Variants in ZC3H12B observed in about 807,000 individuals in gnomAD.
ZC3H12B encodes probable ribonuclease ZC3H12B.
Under a neutral mutation model 43.9 loss-of-function variants are expected in ZC3H12B, and 7 were observed. The observed-to-expected ratio is 0.16, with a 90% CI of 0.09 to 0.30. ZC3H12B has a LOEUF of 0.30. ZC3H12B is among the 10% of genes least tolerant of loss of function. The probability of loss-of-function intolerance (pLI) is 1.00; values close to 1 mark genes in which losing one functional copy is unlikely to be tolerated. For synonymous variants in ZC3H12B, 222 were observed against 241.7 expected (o/e 0.92, Z 0.76); for missense variants, 475 against 670.2 (o/e 0.71, Z 3.22).
intron 3 of ZC3H12B, among the ~76,000 whole-genome samples, chrX:65,439,360 G>A (rs1256373129): frequency 1.8e-5 from 2 of 111,660 alleles, no homozygotes; most frequent in Admixed American, 9.5e-5. Flanking sequence ...CAGATCATCT[G>A]AACATAGTGT....
At chrX:65,132,702 G>A in the ZC3H12B span, among the ~76,000 whole-genome samples, 1 of 111,408 alleles carries the variant, frequency 9.0e-6, no homozygotes, top group South Asian at 3.8e-4. Context: ...TCAGAGTTGG[G>A]GAGGTTTAGA....
chrX:65,289,531 T>G, the ZC3H12B span, among the ~76,000 whole-genome samples: 6 of 109,325 alleles, frequency 5.5e-5, no homozygotes, highest in Non-Finnish European at 9.5e-5. Context: ...TATATTATTA[T>G]GTATATATTT....
the ZC3H12B span, among the ~76,000 whole-genome samples, chrX:65,167,143 C>G: frequency 1.5e-4 from 17 of 111,663 alleles, no homozygotes; most frequent in African/African-American, 4.2e-4. Flanking sequence ...ATGGTATTGC[C>G]TAGGTTTTCT....
At chrX:65,374,167 T>A (rs1425296168) in intron 2 of ZC3H12B, among the ~76,000 whole-genome samples, 1 of 80,747 alleles carries the variant, frequency 1.2e-5, no homozygotes, top group Non-Finnish European at 2.2e-5. Context: ...TATATATAGT[T>A]ATATATACAC....
At chrX:65,234,109 AC>A in the ZC3H12B span, among the ~76,000 whole-genome samples, 5 of 111,768 alleles carry the variant, frequency 4.5e-5, no homozygotes, top group African/African-American at 1.6e-4. Context: ...GAATATGCAT[AC>A]AAAAATACTA....
At chrX:65,215,894 T>C in the ZC3H12B span, among the ~76,000 whole-genome samples, 1 of 111,356 alleles carries the variant, frequency 9.0e-6, no homozygotes, top group African/African-American at 3.3e-5. Flanking sequence ...TTAATTACAA[T>C]ATATTTTTGT....
the ZC3H12B span, among the ~76,000 whole-genome samples, chrX:65,358,765 TTAAA>T: frequency 1.8e-5 from 2 of 111,117 alleles, no homozygotes; most frequent in African/African-American, 6.5e-5. Flanking sequence ...AACATCACAA[TTAAA>T]AGAACTAGAA....
intron 3 of ZC3H12B, among the ~76,000 whole-genome samples, chrX:65,449,197 A>T (rs1569412354): frequency 1.8e-5 from 2 of 110,987 alleles, no homozygotes; most frequent in Non-Finnish European, 3.8e-5. Context: ...AGAATAATGG[A>T]TGATAAGCTT....
chrX:65,189,456 C>G, the ZC3H12B span, among the ~76,000 whole-genome samples: 1 of 104,572 alleles, frequency 9.6e-6, no homozygotes, highest in African/African-American at 3.6e-5. Context: ...TCTCCAGCAC[C>G]TGTTGTTTCC....
the ZC3H12B span, among the ~76,000 whole-genome samples, chrX:65,283,338 C>A: frequency 9.0e-6 from 1 of 111,416 alleles, no homozygotes; most frequent in Non-Finnish European, 1.9e-5. Flanking sequence ...ATAATAAGAG[C>A]TATTTATGAC....
At chrX:65,084,417 TATA>T in the ZC3H12B span, among the ~76,000 whole-genome samples, 16 of 111,426 alleles carry the variant, frequency 1.4e-4, no homozygotes, top group South Asian at 3.4e-3. Flanking sequence ...CAGAAAAAAA[TATA>T]ATAATCTGAT....
At chrX:65,160,316 G>C in the ZC3H12B span, among the ~76,000 whole-genome samples, 2 of 111,749 alleles carry the variant, frequency 1.8e-5, no homozygotes, top group Non-Finnish European at 3.8e-5. Context: ...GTATTGATTG[G>C]AATAGTTTCA....
the ZC3H12B span, among the ~76,000 whole-genome samples, chrX:65,226,233 A>G: frequency 8.9e-6 from 1 of 111,840 alleles, no homozygotes; most frequent in East Asian, 2.8e-4. Context: ...ACATTCTTAA[A>G]AGAATTTTCA....
chrX:65,406,302 C>T (rs781337521), intron 3 of ZC3H12B, among the ~76,000 whole-genome samples: 5 of 107,530 alleles, frequency 4.6e-5, no homozygotes, highest in Non-Finnish European at 7.7e-5. Context: ...TCATCATGAC[C>T]AAGTGGGATT....
At chrX:65,157,070 T>A in the ZC3H12B span, among the ~76,000 whole-genome samples, 8 of 111,150 alleles carry the variant, frequency 7.2e-5, no homozygotes, top group Non-Finnish European at 1.1e-4. Flanking sequence ...AGCTTTGACC[T>A]CCTTGGGCTT....
At chrX:65,442,311 G>A (rs1023052765) in intron 3 of ZC3H12B, among the ~76,000 whole-genome samples, 8 of 110,436 alleles carry the variant, frequency 7.2e-5, no homozygotes, top group South Asian at 4.0e-4. Flanking sequence ...CTGAGCAGCC[G>A]AATCTGAAAT....
the ZC3H12B span, among the ~76,000 whole-genome samples, chrX:65,345,187 C>A: frequency 8.9e-6 from 1 of 112,117 alleles, no homozygotes; most frequent in Non-Finnish European, 1.9e-5. Flanking sequence ...TTAGCAATCT[C>A]ATTACTGGGT....
chrX:65,281,476 T>C, the ZC3H12B span, among the ~76,000 whole-genome samples: 1 of 111,559 alleles, frequency 9.0e-6, no homozygotes, highest in South Asian at 3.8e-4. Context: ...TCCACCTGCC[T>C]CGGCTTCCCA....
the ZC3H12B span, among the ~76,000 whole-genome samples, chrX:65,227,225 AACTC>A: frequency 9.0e-6 from 1 of 111,560 alleles, no homozygotes; most frequent in Non-Finnish European, 1.9e-5. Context: ...AGGATTAAGA[AACTC>A]ACTCAAAACC....
Sources: allele counts gnomAD v4.1 joint callset (sites outside exome capture counted in the v4.1 genomes callset), GRCh38; gene constraint gnomAD v4.1.1; transcripts MANE v1.5; gene names NCBI Gene and HGNC (gene_info 2026-07-23, HGNC 2026-07-21).